The following MEIS1 variants were observed in gnomAD, a reference collection of about 807,000 sequenced individuals.
The protein encoded by MEIS1 is homeobox protein Meis1.
MEIS1 carries 5 observed loss-of-function variants against 50.8 expected under a neutral mutation model. The ratio of observed to expected loss-of-function variants is 0.10; its 90% confidence interval spans 0.05 to 0.21. The LOEUF is 0.21. Ranked by LOEUF, MEIS1 falls within the 10% of genes least tolerant of loss-of-function variation. The probability of loss-of-function intolerance (pLI) is 1.00; values close to 1 mark genes in which losing one functional copy is unlikely to be tolerated. For synonymous variants in MEIS1, 176 were observed against 179.3 expected, an observed-to-expected ratio of 0.98 and a Z score of 0.15; for missense variants, 318 against 517.3, an observed-to-expected ratio of 0.61 and a Z score of 3.74.
At chr2:66,510,241 T>G (rs11890774) in intron 7 of MEIS1, among the ~76,000 whole-genome samples, 2,547 of 152,340 alleles carry the variant, frequency 0.017, 72 homozygotes, top group African/African-American at 0.058. Flanking sequence ...TTCAAAGAAT[T>G]TATTAGGCAA....
chr2:66,494,117 CA>C (rs71799702), intron 7 of MEIS1, among the ~76,000 whole-genome samples: 1 of 151,990 alleles, frequency 6.6e-6, no homozygotes, highest in Non-Finnish European at 1.5e-5. Flanking sequence ...TCACTTGTGA[CA>C]AAAAAAGAGT....
rs182996801 is a variant in MEIS1 at position 66,458,960 on chromosome 2, G to T, written c.631-5149G>T. On this transcript the variant is annotated intron_variant, in intron 6 of 12. Coordinates refer to ENST00000272369, the MANE Select transcript of MEIS1 (RefSeq NM_002398.3). ...ATATCAACATTTTCCTAGGATGGAG[G>T]ATATAAGCATAAATAAGATGTAGGC... Among the ~76,000 whole-genome samples, 34 of 152,258 alleles carry T rather than the reference G, an allele frequency of 2.2e-4. No individual in the cohort carries two copies. In the East Asian group the frequency reaches 5.8e-3, roughly 26 times the overall value.
intron 6 of MEIS1, among the ~76,000 whole-genome samples, chr2:66,456,658 G>C (rs1445267809): frequency 6.6e-6 from 1 of 152,238 alleles, no homozygotes; most frequent in Non-Finnish European, 1.5e-5. Flanking sequence ...CAAGAACCCT[G>C]GCAGGGCTTA....
chr2:66,570,476 G>A (rs1436330719), intron 12 of MEIS1: 5 of 152,138 alleles, frequency 3.3e-5, no homozygotes, highest in African/African-American at 4.8e-5. Flanking sequence ...CATTGTTAGA[G>A]CCTGGAGACC....
At chr2:66,530,466 G>A (rs1442254119) in intron 8 of MEIS1, among the ~76,000 whole-genome samples, 1 of 151,872 alleles carries the variant, frequency 6.6e-6, no homozygotes, top group African/African-American at 2.4e-5. Flanking sequence ...TGTAATCCCA[G>A]CACTTTGGGA....
At chr2:66,492,878 G>A (rs189790686) in intron 7 of MEIS1, among the ~76,000 whole-genome samples, 19 of 152,270 alleles carry the variant, frequency 1.2e-4, no homozygotes, top group Middle Eastern at 3.4e-3. Flanking sequence ...CATCTTCTTA[G>A]TTATGCTGTT....
At chr2:66,474,908 A>G (rs1672852505) in intron 7 of MEIS1, among the ~76,000 whole-genome samples, 1 of 152,126 alleles carries the variant, frequency 6.6e-6, no homozygotes, top group Non-Finnish European at 1.5e-5. Context: ...CATTTTTAAA[A>G]AATGTATATT....
At chr2:66,452,327 A>G (rs938399685) in intron 6 of MEIS1, among the ~76,000 whole-genome samples, 1 of 152,060 alleles carries the variant, frequency 6.6e-6, no homozygotes, top group East Asian at 1.9e-4. Context: ...TTATTTATTT[A>G]CATTCTATCA....
chr2:66,454,571 A>G (rs1672346734), intron 6 of MEIS1: 1 of 152,078 alleles, frequency 6.6e-6, no homozygotes, highest in South Asian at 2.1e-4. Context: ...ACTTTTACTC[A>G]TTATACAATG....
chr2:66,484,012 A>C (rs148649722), intron 7 of MEIS1, among the ~76,000 whole-genome samples: 1 of 152,186 alleles, frequency 6.6e-6, no homozygotes, highest in Non-Finnish European at 1.5e-5. Context: ...GGTAAATCTT[A>C]AGATATGGAA....
chr2:66,519,525 TG>T (rs1364786589), intron 8 of MEIS1, among the ~76,000 whole-genome samples: 1 of 152,086 alleles, frequency 6.6e-6, no homozygotes, highest in African/African-American at 2.4e-5. Context: ...TCTTTCTTGG[TG>T]GGCCAGTGGA....
intron 6 of MEIS1, 51 bp from the exon 7 acceptor site, chr2:66,464,058 T>TA (rs1249539553): frequency 7.5e-7 from 1 of 1,340,186 alleles, no homozygotes; most frequent in Non-Finnish European, 1.0e-6. Flanking sequence ...ATCCTACCAA[T>TA]AAGGGTTCAC....
At chr2:66,532,388 G>A (rs916624275) in intron 8 of MEIS1, among the ~76,000 whole-genome samples, 2 of 96,188 alleles carry the variant, frequency 2.1e-5, no homozygotes, top group African/African-American at 6.9e-5. Flanking sequence ...GCACTTTACT[G>A]AACATGTATC....
At chr2:66,518,235 G>A (rs576971806) in intron 8 of MEIS1, among the ~76,000 whole-genome samples, 3 of 152,268 alleles carry the variant, frequency 2.0e-5, no homozygotes, top group East Asian at 1.9e-4. Flanking sequence ...CTGAGCACAC[G>A]ACCTCTGTCT....
chr2:66,450,974 G>T (rs1672264502), intron 6 of MEIS1, among the ~76,000 whole-genome samples: 1 of 151,946 alleles, frequency 6.6e-6, no homozygotes, highest in African/African-American at 2.4e-5. Flanking sequence ...ACTTGAGCTA[G>T]TTTGCTAGGT....
chr2:66,440,162 TTCTC>T (rs1671932717), intron 3 of MEIS1, 178 bp downstream of exon 3: 6 of 657,816 alleles, frequency 9.1e-6, no homozygotes, highest in Non-Finnish European at 1.5e-5. Flanking sequence ...ACCTCAGATT[TTCTC>T]TCTGTCTGAG....
intron 12 of MEIS1, chr2:66,570,996 TAATA>T (rs1301635877): frequency 9.3e-6 from 4 of 431,654 alleles, no homozygotes; most frequent in East Asian, 4.9e-5. Flanking sequence ...TTATTCTTTT[TAATA>T]AATAAGACCT....
chr2:66,486,726 C>T (rs899960507), intron 7 of MEIS1, among the ~76,000 whole-genome samples: 9 of 152,114 alleles, frequency 5.9e-5, no homozygotes, highest in South Asian at 2.1e-4. Flanking sequence ...TCTTCCTATC[C>T]GTGAGCATGG....
At chr2:66,481,902 C>T (rs1355969075) in intron 7 of MEIS1, among the ~76,000 whole-genome samples, 5 of 144,260 alleles carry the variant, frequency 3.5e-5, no homozygotes, top group African/African-American at 7.7e-5. Context: ...GTTGCCAGGC[C>T]GGAGTGCGGT....
Sources: allele counts gnomAD v4.1 joint callset (sites outside exome capture counted in the v4.1 genomes callset), GRCh38; gene constraint gnomAD v4.1.1; transcripts MANE v1.5; gene names NCBI Gene and HGNC (gene_info 2026-07-23, HGNC 2026-07-21).